Variants in BTF3L4 observed in about 807,000 individuals in gnomAD.
The protein encoded by BTF3L4 is transcription factor BTF3 homolog 4.
Under a neutral mutation model 16.8 loss-of-function variants are expected in BTF3L4, and 6 were observed. That is an observed-to-expected ratio of 0.36 (90% CI 0.20 to 0.71). The LOEUF is 0.71. BTF3L4 is among the 30% of genes least tolerant of loss of function. The pLI, the probability that BTF3L4 is intolerant of heterozygous loss-of-function variation, is 0.58. For synonymous variants in BTF3L4, 39 were observed against 59.8 expected (o/e 0.65, Z 1.60); for missense variants, 92 against 186.9 (o/e 0.49, Z 2.96).
At chr1:52,082,688 G>A (rs1244078332) in intron 3 of BTF3L4, among the ~76,000 whole-genome samples, 20 of 151,362 alleles carry the variant, frequency 1.3e-4, no homozygotes, top group South Asian at 2.1e-4. Context: ...GCAGTGAACC[G>A]AGGTCATGCC....
intron 3 of BTF3L4, among the ~76,000 whole-genome samples, chr1:52,069,951 T>C (rs1686742618): frequency 6.6e-6 from 1 of 152,196 alleles, no homozygotes; most frequent in Non-Finnish European, 1.5e-5. Context: ...GTGCGGTGGC[T>C]CACTCCTGTA....
At chr1:52,084,981 T>G (rs983594935) in intron 4 of BTF3L4, among the ~76,000 whole-genome samples, 2 of 150,240 alleles carry the variant, frequency 1.3e-5, no homozygotes, top group Non-Finnish European at 3.0e-5. Context: ...CCTAGCTAGA[T>G]ACTTTCTTAC....
At chr1:52,057,688 C>T (rs1466187217) in intron 1 of BTF3L4, among the ~76,000 whole-genome samples, 1 of 152,190 alleles carries the variant, frequency 6.6e-6, no homozygotes, top group African/African-American at 2.4e-5. Flanking sequence ...CTCTTTCCTA[C>T]TTGAATTCCA....
chr1:52,058,514 T>C (rs1381435437), intron 1 of BTF3L4, among the ~76,000 whole-genome samples: 1 of 152,210 alleles, frequency 6.6e-6, no homozygotes. Context: ...AAAGAAGATT[T>C]GATAACAACC....
intron 3 of BTF3L4, among the ~76,000 whole-genome samples, chr1:52,072,470 A>G (rs1210601203): frequency 6.6e-6 from 1 of 152,142 alleles, no homozygotes; most frequent in Non-Finnish European, 1.5e-5. Context: ...CCATTAAACA[A>G]TAACTCCTTA....
In BTF3L4 at chr1:52,071,930, T is replaced by C. The variant is rs199846324; in HGVS notation, c.168+6992T>C. Reference sequence around the variant, plus strand: ...TTTGGCTTTTTGTTTTGTTTTTTACTCTGTGTGTGTGTGTGTGTGTGTGTG... The same window carrying C: ...TTTGGCTTTTTGTTTTGTTTTTTACCCTGTGTGTGTGTGTGTGTGTGTGTG... On this transcript the variant is annotated intron_variant, in intron 3 of 5. Coordinates refer to ENST00000313334, the MANE Select transcript of BTF3L4 (RefSeq NM_152265.5). 7.9e-3 allele frequency among the ~76,000 whole-genome samples: 910 copies of C among 115,770 alleles called. 25 individuals carry two copies. In the East Asian group the frequency reaches 0.13, roughly 17 times the overall value. The allele number at this position is 115,770 out of a possible 152,430, so 75.9% of individuals were successfully genotyped here.
chr1:52,076,302 G>A (rs577222580), intron 3 of BTF3L4, among the ~76,000 whole-genome samples: 6 of 149,698 alleles, frequency 4.0e-5, no homozygotes, highest in South Asian at 2.1e-4. Flanking sequence ...AAGGCTGGGC[G>A]CAGTGGCTCA....
chr1:52,067,218 A>G (rs1380212620), intron 3 of BTF3L4, among the ~76,000 whole-genome samples: 2 of 152,222 alleles, frequency 1.3e-5, no homozygotes, highest in East Asian at 3.8e-4. Context: ...GAAAAAAAAT[A>G]ATAATAATGT....
At chr1:52,060,505 A>G (rs894505511) in intron 2 of BTF3L4, 1 of 1,265,156 alleles carries the variant, frequency 7.9e-7, no homozygotes, top group Non-Finnish European at 1.0e-6. Flanking sequence ...TGTACTTTTT[A>G]AAGCCTAAGG....
chr1:52,076,972 G>A (rs1686950543), intron 3 of BTF3L4, among the ~76,000 whole-genome samples: 1 of 152,122 alleles, frequency 6.6e-6, no homozygotes, highest in South Asian at 2.1e-4. Context: ...GAGAGTTCAA[G>A]ACCAGCTTGA....
At chr1:52,057,205 G>GA (rs1686390441) in intron 1 of BTF3L4, among the ~76,000 whole-genome samples, 2 of 152,196 alleles carry the variant, frequency 1.3e-5, no homozygotes, top group African/African-American at 4.8e-5. Flanking sequence ...TTGTCTTAGA[G>GA]AAACCCTACA....
In BTF3L4 at chr1:52,083,215, A is replaced by G. The variant is rs534158538; in HGVS notation, c.169-125A>G. 7.2e-5 allele frequency: 53 copies of G among 733,562 alleles called. 1 individual carries two copies. The Admixed American group carries it at 1.3e-3, about 18-fold the overall frequency. The allele number at this position is 733,562 out of a possible 1,614,324, so 45.4% of individuals were successfully genotyped here. On this transcript the variant is annotated intron_variant, in intron 3 of 5. Coordinates refer to ENST00000313334, the MANE Select transcript of BTF3L4 (RefSeq NM_152265.5). ...TTCCACGAATGTCCGTTGCTTGGCCAGTTACTACCTTGGGATTACATAACT... is the reference window on the plus strand; with the variant it reads ...TTCCACGAATGTCCGTTGCTTGGCCGGTTACTACCTTGGGATTACATAACT...
chr1:52,059,157 T>C (rs553423288), intron 1 of BTF3L4, among the ~76,000 whole-genome samples: 25 of 152,210 alleles, frequency 1.6e-4, no homozygotes, highest in African/African-American at 5.5e-4. Context: ...TATGCAAGAA[T>C]GTCTTGACAA....
chr1:52,080,880 GC>G (rs1187417157), intron 3 of BTF3L4, among the ~76,000 whole-genome samples: 1 of 129,458 alleles, frequency 7.7e-6, no homozygotes, highest in Non-Finnish European at 1.6e-5. Flanking sequence ...TCACTCGGTA[GC>G]CAGGCTGGAA....
chr1:52,067,301 CAT>C (rs1686678738), intron 3 of BTF3L4, among the ~76,000 whole-genome samples: 1 of 152,230 alleles, frequency 6.6e-6, no homozygotes, highest in Non-Finnish European at 1.5e-5. Flanking sequence ...CAAAGTGCCA[CAT>C]GTTCCTTCCA....
intron 3 of BTF3L4, among the ~76,000 whole-genome samples, chr1:52,081,334 A>G (rs751465346): frequency 2.6e-5 from 4 of 151,872 alleles, no homozygotes; most frequent in Non-Finnish European, 5.9e-5. Flanking sequence ...GGGTTTCACC[A>G]TGTTGGCCAA....
At chr1:52,062,152 G>A (rs1216435842) in intron 2 of BTF3L4, among the ~76,000 whole-genome samples, 6 of 150,132 alleles carry the variant, frequency 4.0e-5, no homozygotes, top group East Asian at 3.9e-4. Context: ...TGTTAGCCAG[G>A]ATGGTCTTGC....
intron 3 of BTF3L4, 55 bp downstream of exon 3, chr1:52,064,993 C>G: frequency 1.0e-6 from 1 of 1,001,518 alleles, no homozygotes; most frequent in Non-Finnish European, 1.5e-6. Flanking sequence ...AAATAATTGT[C>G]TGGACCTTTC....
chr1:52,068,231 G>A (rs538079916), intron 3 of BTF3L4, among the ~76,000 whole-genome samples: 6 of 152,210 alleles, frequency 3.9e-5, no homozygotes, highest in South Asian at 4.2e-4. Flanking sequence ...ATACTGTGCC[G>A]AGGTCATGGT....
Sources: allele counts gnomAD v4.1 joint callset (sites outside exome capture counted in the v4.1 genomes callset), GRCh38; gene constraint gnomAD v4.1.1; transcripts MANE v1.5; gene names NCBI Gene and HGNC (gene_info 2026-07-23, HGNC 2026-07-21).